The following TLE4 variants were observed in gnomAD, a reference collection of about 807,000 sequenced individuals.
TLE4 encodes transducin-like enhancer protein 4.
Under a neutral mutation model 92.8 loss-of-function variants are expected in TLE4, and 8 were observed. The ratio of observed to expected loss-of-function variants is 0.09; its 90% CI spans 0.05 to 0.16. The LOEUF (loss-of-function observed/expected upper bound fraction) is 0.16. TLE4 is among the 10% of genes least tolerant of loss of function. The pLI, the probability that TLE4 is intolerant of heterozygous loss-of-function variation, is 1.00. For synonymous variants in TLE4, 371 were observed against 374.1 expected, an observed-to-expected ratio of 0.99 and a Z score of 0.10; for missense variants, 675 against 997.6, an observed-to-expected ratio of 0.68 and a Z score of 4.36.
At chr9:79,687,638 C>T (rs879913011) in intron 8 of TLE4, among the ~76,000 whole-genome samples, 3 of 152,102 alleles carry the variant, frequency 2.0e-5, no homozygotes, top group Non-Finnish European at 2.9e-5. Flanking sequence ...CTCTTCCTTG[C>T]CCTTCCTTGG....
chr9:79,677,854 G>A (rs906252831), intron 8 of TLE4, among the ~76,000 whole-genome samples: 4 of 152,030 alleles, frequency 2.6e-5, no homozygotes, highest in African/African-American at 9.7e-5. Context: ...AGTGGGTGGT[G>A]TAAGAGATTC....
At chr9:79,599,530 C>A (rs552602484) in intron 4 of TLE4, among the ~76,000 whole-genome samples, 1 of 152,286 alleles carries the variant, frequency 6.6e-6, no homozygotes, top group South Asian at 2.1e-4. Context: ...CATCTCCTCT[C>A]CGAATTTTGA....
intron 6 of TLE4, among the ~76,000 whole-genome samples, chr9:79,633,135 T>C (rs1320300834): frequency 1.3e-5 from 2 of 152,212 alleles, no homozygotes; most frequent in African/African-American, 4.8e-5. Context: ...TGCTACGGTT[T>C]GATGAGGCTC....
chr9:79,693,173 G>A (rs1343745275), intron 8 of TLE4, among the ~76,000 whole-genome samples: 1 of 152,130 alleles, frequency 6.6e-6, no homozygotes, highest in Non-Finnish European at 1.5e-5. Context: ...TATGTCACGG[G>A]ATTCTTCTGG....
chr9:79,610,898 T>C (rs994549352), intron 4 of TLE4, among the ~76,000 whole-genome samples: 10 of 142,406 alleles, frequency 7.0e-5, no homozygotes, highest in Admixed American at 6.9e-4. Flanking sequence ...TGCCCACACA[T>C]TTTTCAGCCC....
Position 79,592,509 on chromosome 9 carries a change from C to T in TLE4, c.252+16332C>T, listed in dbSNP as rs528121841. Among the ~76,000 whole-genome samples, 303 of 152,174 alleles carry T rather than the reference C, an allele frequency of 2.0e-3. 2 individuals are homozygous for T. Among genetic ancestry groups the T allele is most frequent in the African/African-American group, 7.0e-3 (290 of 41,500 alleles). On this transcript the variant is annotated intron_variant, in intron 4 of 19. Transcript: ENST00000376552. ...CAGGCTAATCTCAAACTTCTGAGCT[C>T]AAGCCACACGCCCACCTCATCCTTC...
At chr9:79,677,673 AT>A (rs989756992) in intron 8 of TLE4, among the ~76,000 whole-genome samples, 1 of 149,036 alleles carries the variant, frequency 6.7e-6, no homozygotes, top group Non-Finnish European at 1.5e-5. Context: ...GATGGATTCA[AT>A]TTTTTTTCTT....
In TLE4 at chr9:79,724,969, T is replaced by C. The variant is rs962547206; in HGVS notation, c.2215-68T>C. On this transcript the variant is annotated intron_variant, in intron 19 of 19. Coordinates refer to ENST00000376552, the MANE Select transcript of TLE4 (RefSeq NM_007005.6). ...GAGCACATTACATTTGCATTTGCTC[T>C]AAGTCCTCCATACTCATGGGATTTT... 1.8e-5 allele frequency: 22 copies of C among 1,205,166 alleles called. No homozygotes were observed. The African/African-American group carries it at 3.2e-4, about 17-fold the overall frequency. The allele number at this position is 1,205,166 out of a possible 1,614,324, so 74.7% of individuals were successfully genotyped here.
In TLE4 at chr9:79,678,867, C is replaced by T. The variant is rs1423512099; in HGVS notation, c.609+24792C>T. Among the ~76,000 whole-genome samples, 9 of 150,858 alleles carry T rather than the reference C, an allele frequency of 6.0e-5. No individual in the cohort carries two copies. In the South Asian group the frequency reaches 6.3e-4, roughly 11 times the overall value. ...ATTCCCATCCATGAGTGAGAACATG[C>T]GGTGTTTGGTTTTTTCTCCTTGTGA... On this transcript the variant is annotated intron_variant, in intron 8 of 19. Transcript: ENST00000376552.
chr9:79,593,214 C>T (rs1002673189), intron 4 of TLE4, among the ~76,000 whole-genome samples: 5 of 151,748 alleles, frequency 3.3e-5, no homozygotes, highest in East Asian at 1.9e-4. Context: ...CAAAAAAAAA[C>T]GAAAACCGAA....
intron 5 of TLE4, among the ~76,000 whole-genome samples, chr9:79,619,544 C>G (rs914081372): frequency 6.6e-6 from 1 of 152,146 alleles, no homozygotes; most frequent in Admixed American, 6.6e-5. Context: ...TGCGAGGAAT[C>G]AATGGCTTGT....
At chr9:79,707,631 T>G (rs2072036910) in intron 11 of TLE4, among the ~76,000 whole-genome samples, 1 of 152,224 alleles carries the variant, frequency 6.6e-6, no homozygotes, top group Non-Finnish European at 1.5e-5. Flanking sequence ...TGGTGTTGTT[T>G]TTTTAAATTT....
intron 6 of TLE4, among the ~76,000 whole-genome samples, chr9:79,628,883 T>A (rs925037925): frequency 3.3e-5 from 5 of 150,282 alleles, no homozygotes; most frequent in Non-Finnish European, 7.4e-5. Context: ...AGTGTGTGTG[T>A]GTGTGTGTGT....
At chr9:79,603,683 C>T (rs565933603) in intron 4 of TLE4, among the ~76,000 whole-genome samples, 1 of 152,236 alleles carries the variant, frequency 6.6e-6, no homozygotes, top group Admixed American at 6.5e-5. Flanking sequence ...GAACTGAACC[C>T]ACAGTATCTC....
chr9:79,606,184 GTTGTTTTTT>G (rs1161134797), intron 4 of TLE4, among the ~76,000 whole-genome samples: 7 of 18,374 alleles, frequency 3.8e-4, no homozygotes, highest in African/African-American at 7.8e-4. Flanking sequence ...AGCAGTAGTA[GTTGTTTTTT>G]TTTTTTTTTT....
At chr9:79,698,498 A>G (rs2068862344) in intron 8 of TLE4, among the ~76,000 whole-genome samples, 1 of 152,208 alleles carries the variant, frequency 6.6e-6, no homozygotes, top group South Asian at 2.1e-4. Flanking sequence ...TCTTTTAACA[A>G]GGGCAGGGCT....
intron 5 of TLE4, among the ~76,000 whole-genome samples, chr9:79,620,487 C>T (rs1430539010): frequency 6.6e-6 from 1 of 152,196 alleles, no homozygotes; most frequent in Non-Finnish European, 1.5e-5. Context: ...GCCAGGTAGG[C>T]AGTCAGTAAT....
At chr9:79,652,430 G>A (rs1008439048) in intron 6 of TLE4, among the ~76,000 whole-genome samples, 163 bp from the exon 7 acceptor site, 4 of 152,018 alleles carry the variant, frequency 2.6e-5, no homozygotes, top group Admixed American at 6.5e-5. Context: ...CTCGTGATCC[G>A]CCTGCCTCGG....
In TLE4 at chr9:79,718,762, C is replaced by T. The variant is rs374227627; in HGVS notation, c.1381C>T (p.Pro461Ser). 8 of 1,614,176 alleles carry T rather than the reference C, an allele frequency of 5.0e-6. No individual in the cohort carries two copies. The highest frequency in any genetic ancestry group is 6.8e-6 in the Non-Finnish European group (8 of 1,180,024). ...TGTTAGCGCAGATGGTCAGATGCAGCCTGTCCCTTTTCCACCCGACGCCCT... is the reference window on the plus strand; with the variant it reads ...TGTTAGCGCAGATGGTCAGATGCAGTCTGTCCCTTTTCCACCCGACGCCCT... The part of the protein sequence containing the change: ...FHVSADGQMQ[P>S]VPFPPDALIG... The change falls in exon 15 of 20, where the codon CCT becomes TCT. Residue 461 changes from proline (P) to serine (S), a missense_variant. This residue lies in a region of TLE4 where 119 missense variants were observed against 175.9 expected (regional missense o/e 0.68). Coordinates refer to ENST00000376552, the MANE Select transcript of TLE4 (RefSeq NM_007005.6).
Sources: allele counts gnomAD v4.1 joint callset (sites outside exome capture counted in the v4.1 genomes callset), GRCh38; gene constraint gnomAD v4.1.1; regional missense constraint gnomAD v4.1.1; transcripts MANE v1.5; gene names NCBI Gene and HGNC (gene_info 2026-07-23, HGNC 2026-07-21).